The following SGIP1 variants were observed in gnomAD, a reference collection of about 807,000 sequenced individuals.
The protein encoded by SGIP1 is SH3GL interacting endocytic adaptor 1.
In SGIP1, 38 loss-of-function variants were observed where a neutral mutation model predicts 107.5. The ratio of observed to expected loss-of-function variants is 0.35; its 90% CI spans 0.27 to 0.46. SGIP1 has a LOEUF of 0.46. Ranked by LOEUF, SGIP1 falls within the 20% of genes least tolerant of loss-of-function variation. The pLI is 1.00. For synonymous variants in SGIP1, 365 were observed against 366.1 expected, an observed-to-expected ratio of 1.00 and a Z score of 0.03; for missense variants, 929 against 1,019.5, an observed-to-expected ratio of 0.91 and a Z score of 1.21.
chr1:66,623,650 T>C (rs2071796182), intron 1 of SGIP1, among the ~76,000 whole-genome samples: 1 of 152,226 alleles, frequency 6.6e-6, no homozygotes, highest in African/African-American at 2.4e-5. Flanking sequence ...TATAAGTGTA[T>C]TTCATGTGTT....
At chr1:66,551,213 T>A (rs1034723020) in intron 1 of SGIP1, among the ~76,000 whole-genome samples, 1 of 152,170 alleles carries the variant, frequency 6.6e-6, no homozygotes, top group Non-Finnish European at 1.5e-5. Context: ...TTTTACTTTG[T>A]AGTTTTCTGT....
intron 18 of SGIP1, among the ~76,000 whole-genome samples, chr1:66,700,205 TACTAACAATAC>T (rs2091672647): frequency 6.6e-6 from 1 of 152,032 alleles, no homozygotes; most frequent in Admixed American, 6.5e-5. Flanking sequence ...ACCCCGCCTC[TACTAACAATAC>T]AAAAATTAGC....
At chr1:66,666,011 A>C (rs1416997367) in intron 8 of SGIP1, 21 of 152,128 alleles carry the variant, frequency 1.4e-4, no homozygotes, top group Admixed American at 1.4e-3. Context: ...TTTTGTTGTC[A>C]TTACTTTTGG....
rs1231512539 is a variant in SGIP1, at chr1:66,672,061, T to A, written c.560+66T>A. Reference sequence around the variant, plus strand: ...CATGAACTTTTAACAATTAAGCAAATCTCCTTTGAGCTAAACTCTCAGCTC... The same window carrying A: ...CATGAACTTTTAACAATTAAGCAAAACTCCTTTGAGCTAAACTCTCAGCTC... On this transcript the variant is annotated intron_variant, in intron 11 of 24. Coordinates refer to ENST00000371037, the MANE Select transcript of SGIP1 (RefSeq NM_032291.4). 3.4e-6 allele frequency: 5 copies of A among 1,482,226 alleles called. No homozygotes were observed. In the Admixed American group the frequency reaches 8.6e-5, roughly 26 times the overall value. The allele number at this position is 1,482,226 out of a possible 1,614,324, so 91.8% of individuals were successfully genotyped here.
chr1:66,704,108 T>G (rs1222460658), intron 18 of SGIP1, among the ~76,000 whole-genome samples: 2 of 152,012 alleles, frequency 1.3e-5, no homozygotes, highest in Non-Finnish European at 2.9e-5. Context: ...TATAAGCAAC[T>G]GTTGTCCAAC....
At chr1:66,680,718 C>T (rs1053243106) in intron 14 of SGIP1, among the ~76,000 whole-genome samples, 29 of 152,136 alleles carry the variant, frequency 1.9e-4, no homozygotes, top group Admixed American at 6.5e-4. Flanking sequence ...ATAAATATTG[C>T]GGACTATGCA....
At chr1:66,636,385 C>G (rs1291699865) in intron 4 of SGIP1, among the ~76,000 whole-genome samples, 2 of 152,216 alleles carry the variant, frequency 1.3e-5, no homozygotes, top group Admixed American at 6.5e-5. Flanking sequence ...AGCACTGTCT[C>G]AATAACATCA....
chr1:66,686,954 T>C (rs911123341), intron 15 of SGIP1, among the ~76,000 whole-genome samples: 6 of 152,158 alleles, frequency 3.9e-5, no homozygotes, highest in African/African-American at 9.7e-5. Context: ...TAGTTACAAA[T>C]ACCTTGTAAG....
chr1:66,538,132 A>G (rs750233789), intron 1 of SGIP1, among the ~76,000 whole-genome samples: 2 of 152,188 alleles, frequency 1.3e-5, no homozygotes, highest in Non-Finnish European at 2.9e-5. Context: ...AATAAACCTT[A>G]TAAACACTAA....
Position 66,690,289 on chromosome 1 carries a change from T to G in SGIP1, c.1543T>G (p.Leu515Val). ...TTCTTCAATATCGTCAACCAATTCC[T>G]TGAGCGCAGCCACCACTCCCACAGT... ...STSSISSTNS[L>V]SAATTPTVEN... Residue 515 changes from leucine (L) to valine (V), a missense_variant, in exon 17 of 25, where the codon TTG becomes GTG. By Grantham distance (32) the Leu-to-Val change is conservative. This residue lies in a region of SGIP1 where 341 missense variants were observed against 430.9 expected (regional missense o/e 0.79). Transcript: ENST00000371037. 2 of 1,614,162 alleles carry G rather than the reference T, an allele frequency of 1.2e-6. No individual in the cohort carries two copies. Among genetic ancestry groups the G allele is most frequent in the Non-Finnish European group, 1.7e-6 (2 of 1,180,018 alleles).
At chr1:66,689,444 T>C (rs966647526) in intron 16 of SGIP1, among the ~76,000 whole-genome samples, 169 bp downstream of exon 16, 3 of 152,160 alleles carry the variant, frequency 2.0e-5, no homozygotes, top group African/African-American at 7.2e-5. Context: ...CTCCTCAAAT[T>C]TCTACCATCT....
chr1:66,591,785 C>T (rs1039192609), intron 1 of SGIP1, among the ~76,000 whole-genome samples: 11 of 152,160 alleles, frequency 7.2e-5, no homozygotes, highest in Admixed American at 1.3e-4. Context: ...GGTGATGTGG[C>T]AGGACTATAG....
rs575098380 is a variant in SGIP1, at chr1:66,652,076, A to G, written c.459+8357A>G. ...CACAGAAAGATCAAGAGACAAGGAT[A>G]AATAGAATGAACACAGGCTTTTGAG... On this transcript the variant is annotated intron_variant, in intron 7 of 24. Transcript: ENST00000371037. Among the ~76,000 whole-genome samples the G allele has an allele frequency of 2.2e-4, 34 of 152,312 alleles. 1 individual carries two copies. Among genetic ancestry groups the G allele is most frequent in the South Asian group, 1.5e-3 (7 of 4,824 alleles).
rs2090724317 is a variant in SGIP1, at chr1:66,695,428, A to G, written c.1571-6A>G. ...TCCCATCCCGCTTCAACTCCTGGCCATACAGAGAATGAACAGCCTTCCCTC... is the reference window on the plus strand; with the variant it reads ...TCCCATCCCGCTTCAACTCCTGGCCGTACAGAGAATGAACAGCCTTCCCTC... On this transcript the variant is annotated splice_region_variant and splice_polypyrimidine_tract_variant and intron_variant, in intron 17 of 24. Coordinates refer to ENST00000371037, the MANE Select transcript of SGIP1 (RefSeq NM_032291.4). The G allele has an allele frequency of 6.2e-7, 1 of 1,614,016 alleles. No individual in the cohort carries two copies. The highest frequency in any genetic ancestry group is 1.1e-5 in the South Asian group (1 of 91,058).
chr1:66,733,632 T>C (rs550832117), intron 20 of SGIP1, 116 bp from the exon 21 acceptor site: 2 of 1,089,402 alleles, frequency 1.8e-6, no homozygotes, highest in Non-Finnish European at 1.3e-6. Flanking sequence ...TAATAATCTC[T>C]ACAAATTGTC....
intron 1 of SGIP1, among the ~76,000 whole-genome samples, chr1:66,589,190 A>ATG (rs1339873292): frequency 5.7e-5 from 4 of 69,832 alleles, no homozygotes; most frequent in African/African-American, 2.5e-4. Context: ...ATATATATAT[A>ATG]TATATATATA....
intron 1 of SGIP1, among the ~76,000 whole-genome samples, chr1:66,585,056 A>G (rs1446400590): frequency 6.6e-6 from 1 of 152,202 alleles, no homozygotes; most frequent in South Asian, 2.1e-4. Context: ...ACTATGTTCC[A>G]GTCACATGTG....
chr1:66,667,994 C>G (rs949195236), intron 9 of SGIP1, among the ~76,000 whole-genome samples: 1 of 152,128 alleles, frequency 6.6e-6, no homozygotes, highest in African/African-American at 2.4e-5. Flanking sequence ...CCATAACTTA[C>G]AATGATCAGA....
intron 18 of SGIP1, among the ~76,000 whole-genome samples, chr1:66,715,730 C>A (rs1238521390): frequency 6.6e-6 from 1 of 152,130 alleles, no homozygotes; most frequent in African/African-American, 2.4e-5. Context: ...AATTGATGAT[C>A]AACTAAAACC....
Sources: allele counts gnomAD v4.1 joint callset (sites outside exome capture counted in the v4.1 genomes callset), GRCh38; gene constraint gnomAD v4.1.1; regional missense constraint gnomAD v4.1.1; transcripts MANE v1.5; gene names NCBI Gene and HGNC (gene_info 2026-07-23, HGNC 2026-07-21).